NDUFA7: variants seen among roughly 807,000 people sequenced by gnomAD.
NDUFA7 encodes NADH dehydrogenase [ubiquinone] 1 alpha subcomplex subunit 7.
NDUFA7 carries 18 observed loss-of-function variants against 14.2 expected under a neutral mutation model. The ratio of observed to expected loss-of-function variants is 1.27; its 90% CI spans 0.88 to 1.88. NDUFA7 has a LOEUF of 1.88. NDUFA7 is among the 40% of genes most tolerant of loss of function. The probability of loss-of-function intolerance (pLI) is 0.00; values close to 1 mark genes in which losing one functional copy is unlikely to be tolerated. For synonymous variants in NDUFA7, 75 were observed against 62.1 expected (o/e 1.21, Z -0.98); for missense variants, 172 against 147.3 (o/e 1.17, Z -0.87).
At chr19:8,313,460 G>A (rs1407031998) in intron 3 of NDUFA7, among the ~76,000 whole-genome samples, 1 of 150,832 alleles carries the variant, frequency 6.6e-6, no homozygotes, top group East Asian at 2.0e-4. Flanking sequence ...TCGATCTCCT[G>A]ACCTGGTGAT....
Position 8,316,511 on chromosome 19 carries a change from C to T in NDUFA7, c.236G>A (p.Gly79Asp), listed in dbSNP as rs1970235461. 6.2e-7 allele frequency: 1 copy of T among 1,613,908 alleles called. No individual in the cohort carries two copies. The highest frequency in any genetic ancestry group is 8.5e-7 in the Non-Finnish European group (1 of 1,179,950). ...IMSSQKALVS[G>D]KPAESSAVAA... ...AGATCCTCACCTCTCTGCTGGCTTG[C>T]CTGACACCAGCGCCTTCTGCGACGA... The change falls in exon 3 of 4, where the codon GGC becomes GAC. Residue 79 changes from glycine (G) to aspartate (D), a missense_variant. By Grantham distance (94) the Gly-to-Asp change is moderately conservative (BLOSUM62 -1). Coordinates refer to ENST00000301457, the MANE Select transcript of NDUFA7 (RefSeq NM_005001.5).
intron 3 of NDUFA7, among the ~76,000 whole-genome samples, chr19:8,314,970 T>C (rs559261625): frequency 6.6e-6 from 1 of 152,298 alleles, no homozygotes; most frequent in African/African-American, 2.4e-5. Context: ...TTTTAATCTG[T>C]AATCTTACCC....
chr19:8,318,130 G>A (rs1324683343), intron 2 of NDUFA7, among the ~76,000 whole-genome samples: 1 of 152,124 alleles, frequency 6.6e-6, no homozygotes, highest in East Asian at 1.9e-4. Context: ...TGGAAGGATT[G>A]CTTGAGGCCA....
chr19:8,315,147 G>A (rs560636811), intron 3 of NDUFA7, among the ~76,000 whole-genome samples: 1 of 152,292 alleles, frequency 6.6e-6, no homozygotes, highest in East Asian at 1.9e-4. Flanking sequence ...CACCACAGAA[G>A]GCCACAGGGT....
At chr19:8,318,844 G>A (rs1243015782) in intron 2 of NDUFA7, among the ~76,000 whole-genome samples, 3 of 151,444 alleles carry the variant, frequency 2.0e-5, no homozygotes, top group South Asian at 2.1e-4. Flanking sequence ...GGTGGTGCAC[G>A]CCTGTAGCCC....
At chr19:8,321,143 G>T in intron 1 of NDUFA7, 165 bp downstream of exon 1, 2 of 988,876 alleles carry the variant, frequency 2.0e-6, no homozygotes, top group African/African-American at 1.6e-5. Context: ...TGGTTCCCAG[G>T]CCAGGAGAGG....
At chr19:8,314,505 C>G (rs1194955243) in intron 3 of NDUFA7, among the ~76,000 whole-genome samples, 2 of 152,152 alleles carry the variant, frequency 1.3e-5, no homozygotes. Context: ...GTGACTCTCA[C>G]TTGTAGTCCC....
intron 3 of NDUFA7, among the ~76,000 whole-genome samples, chr19:8,312,916 CG>C (rs1385247099): frequency 4.6e-5 from 7 of 152,128 alleles, no homozygotes; most frequent in Non-Finnish European, 1.5e-5. Context: ...CCACCCGCCT[CG>C]GCCTCCCAAA....
At chr19:8,315,425 C>T (rs749361962) in intron 3 of NDUFA7, among the ~76,000 whole-genome samples, 15 of 152,112 alleles carry the variant, frequency 9.9e-5, no homozygotes, top group Non-Finnish European at 1.9e-4. Context: ...AGGGGAAAAC[C>T]GCCTTAGGCC....
At chr19:8,313,396 AATTTTTTGT>A (rs1970200421) in intron 3 of NDUFA7, among the ~76,000 whole-genome samples, 2 of 151,830 alleles carry the variant, frequency 1.3e-5, no homozygotes, top group African/African-American at 4.8e-5. Flanking sequence ...ACACCTGGCT[AATTTTTTGT>A]ATTTTTAGTA....
chr19:8,313,452 G>T (rs772066028), intron 3 of NDUFA7, among the ~76,000 whole-genome samples: 1 of 150,668 alleles, frequency 6.6e-6, no homozygotes, highest in Non-Finnish European at 1.5e-5. Context: ...CGATGGTCTC[G>T]ATCTCCTGAC....
At position 8,316,653 on chromosome 19, in the gene NDUFA7, G is replaced by GA. The variant is rs1390249664; in HGVS notation, c.102-9dup. 6 of 1,612,554 alleles carry GA rather than the reference G, an allele frequency of 3.7e-6. No individual in the cohort carries two copies. In the East Asian group the frequency reaches 1.3e-4, roughly 36 times the overall value. ...TTGGGAGGAGGCTGAGTTCTGAGGGGAAAAAAGATGAGCACTGAAGCAAAG... is the reference window on the plus strand; with the variant it reads ...TTGGGAGGAGGCTGAGTTCTGAGGGGAAAAAAAGATGAGCACTGAAGCAAAG... On this transcript the variant is annotated splice_polypyrimidine_tract_variant and intron_variant, in intron 2 of 3. Transcript: ENST00000301457.
chr19:8,309,547 C>A (rs1363239854), downstream of NDUFA7, among the ~76,000 whole-genome samples: 1 of 152,104 alleles, frequency 6.6e-6, no homozygotes, highest in Non-Finnish European at 1.5e-5. Flanking sequence ...TAGGGTCTTG[C>A]CCTCCTTGTG....
chr19:8,317,936 G>A (rs1469391821), intron 2 of NDUFA7, among the ~76,000 whole-genome samples: 1 of 152,150 alleles, frequency 6.6e-6, no homozygotes, highest in Non-Finnish European at 1.5e-5. Context: ...GCCTCCCAAA[G>A]TGCTGGGATT....
intron 2 of NDUFA7, 134 bp from the exon 3 acceptor site, chr19:8,316,779 T>TACCAAGGGACAC: frequency 9.3e-7 from 1 of 1,078,480 alleles, no homozygotes; most frequent in Non-Finnish European, 1.3e-6. Context: ...GCTGGGGGTG[T>TACCAAGGGACAC]CCCTTGGTAC....
chr19:8,317,847 G>T (rs1970253904), intron 2 of NDUFA7, among the ~76,000 whole-genome samples: 1 of 152,058 alleles, frequency 6.6e-6, no homozygotes, highest in Non-Finnish European at 1.5e-5. Context: ...TTTTTCTATT[G>T]TTTTTGTGGA....
intron 2 of NDUFA7, among the ~76,000 whole-genome samples, chr19:8,318,791 T>C (rs1316405404): frequency 1.4e-5 from 2 of 146,654 alleles, no homozygotes; most frequent in African/African-American, 5.1e-5. Context: ...GCAAACATGG[T>C]GAAACCCCGT....
chr19:8,321,157 C>G, intron 1 of NDUFA7, 151 bp downstream of exon 1: 1 of 1,072,718 alleles, frequency 9.3e-7, no homozygotes, highest in Non-Finnish European at 1.3e-6. Context: ...GGAGAGGGTC[C>G]CGGGCTGAAG....
chr19:8,313,368 C>T (rs994817229), intron 3 of NDUFA7, among the ~76,000 whole-genome samples: 2 of 152,030 alleles, frequency 1.3e-5, no homozygotes, highest in African/African-American at 4.8e-5. Context: ...ATAGCTGGGA[C>T]TACAGGCGCC....
Sources: allele counts gnomAD v4.1 joint callset (sites outside exome capture counted in the v4.1 genomes callset), GRCh38; gene constraint gnomAD v4.1.1; transcripts MANE v1.5; gene names NCBI Gene and HGNC (gene_info 2026-07-23, HGNC 2026-07-21).